Variants in PCDH15 observed in about 807,000 individuals in gnomAD.
PCDH15 encodes protocadherin related 15.
Under a neutral mutation model 178.5 loss-of-function variants are expected in PCDH15, and 129 were observed. That is an observed-to-expected ratio of 0.72 (90% CI 0.63 to 0.84). The LOEUF (loss-of-function observed/expected upper bound fraction) is 0.84. PCDH15 is among the 40% of genes least tolerant of loss of function. PCDH15 has a pLI of 0.00. For missense variants in PCDH15, 2,230 were observed against 2,099.9 expected (o/e 1.06, Z -1.21); for synonymous variants, 800 against 732.0 (o/e 1.09, Z -1.50).
At chr10:54,152,337 G>A (rs905879593) in intron 14 of PCDH15, among the ~76,000 whole-genome samples, 2 of 151,976 alleles carry the variant, frequency 1.3e-5, no homozygotes, top group African/African-American at 2.4e-5. Flanking sequence ...AGGATAAATC[G>A]AAAAGTTTAT....
intron 15 of PCDH15, among the ~76,000 whole-genome samples, chr10:54,098,454 C>G (rs2094743595): frequency 6.6e-6 from 1 of 151,894 alleles, no homozygotes; most frequent in Non-Finnish European, 1.5e-5. Flanking sequence ...CTATATGAAA[C>G]CAGGAAGGCT....
At chr10:54,519,108 C>G (rs979086109) in intron 3 of PCDH15, among the ~76,000 whole-genome samples, 4 of 152,170 alleles carry the variant, frequency 2.6e-5, no homozygotes, top group Non-Finnish European at 5.9e-5. Context: ...CAACATCATA[C>G]TGAATGGGCA....
At chr10:55,483,281 CAA>C (rs35371247) in intron 2 of PCDH15, among the ~76,000 whole-genome samples, 10 of 150,328 alleles carry the variant, frequency 6.7e-5, no homozygotes, top group Admixed American at 3.3e-4. Flanking sequence ...TAAATTTTTA[CAA>C]AAAAAAATCC....
rs7091339 is a variant in PCDH15 at position 53,849,201 on chromosome 10, C to T, written c.3806+7974G>A. 7.8e-3 allele frequency among the ~76,000 whole-genome samples: 1,182 copies of T among 152,142 alleles called. 18 individuals are homozygous for T. The highest frequency in any genetic ancestry group is 0.027 in the African/African-American group (1,110 of 41,524). On this transcript the variant is annotated intron_variant, in intron 28 of 37. Transcript: ENST00000644397. ...CACCACCTAAATGTAGCAGCCCTGCCTCATTCTTTAGTTTTTAATCTTTTT... is the reference window on the plus strand; with the variant it reads ...CACCACCTAAATGTAGCAGCCCTGCTTCATTCTTTAGTTTTTAATCTTTTT...
At chr10:53,860,069 A>G (rs931608635) in intron 27 of PCDH15, among the ~76,000 whole-genome samples, 1 of 152,138 alleles carries the variant, frequency 6.6e-6, no homozygotes, top group Non-Finnish European at 1.5e-5. Flanking sequence ...TTTTTCCATC[A>G]TCTATACTGG....
At chr10:54,367,301 G>A (rs1416357246) in intron 5 of PCDH15, among the ~76,000 whole-genome samples, 2 of 152,020 alleles carry the variant, frequency 1.3e-5, no homozygotes, top group Non-Finnish European at 2.9e-5. Context: ...TTTGACACCC[G>A]ACAATAATGA....
At chr10:54,032,660 G>A (rs887230778) in intron 18 of PCDH15, among the ~76,000 whole-genome samples, 1 of 151,932 alleles carries the variant, frequency 6.6e-6, no homozygotes, top group Non-Finnish European at 1.5e-5. Flanking sequence ...TAAAACTTAA[G>A]TGATCACATA....
intron 2 of PCDH15, among the ~76,000 whole-genome samples, chr10:55,416,062 A>G (rs1440090384): frequency 6.8e-6 from 1 of 146,646 alleles, no homozygotes; most frequent in Non-Finnish European, 1.5e-5. Context: ...CAAACAAACA[A>G]ACAAACAAAC....
chr10:55,256,965 G>GGCACCCCCC (rs1356881849), intron 1 of PCDH15, among the ~76,000 whole-genome samples: 1 of 152,200 alleles, frequency 6.6e-6, no homozygotes, highest in African/African-American at 2.4e-5. Flanking sequence ...CTAACTGGGA[G>GGCACCCCCC]GCACCCCCGA....
chr10:53,930,762 C>A (rs1173846007), intron 25 of PCDH15, among the ~76,000 whole-genome samples: 1 of 152,120 alleles, frequency 6.6e-6, no homozygotes, highest in Non-Finnish European at 1.5e-5. Context: ...TTCCCTACTA[C>A]ATAAACCCCC....
intron 13 of PCDH15, among the ~76,000 whole-genome samples, chr10:54,180,334 C>T (rs2047868470): frequency 6.6e-6 from 1 of 152,070 alleles, no homozygotes. Context: ...CTCATTTGCT[C>T]CTTGCAGACA....
At chr10:53,853,218 A>G (rs1214995360) in intron 28 of PCDH15, among the ~76,000 whole-genome samples, 1 of 143,752 alleles carries the variant, frequency 7.0e-6, no homozygotes, top group East Asian at 2.0e-4. Flanking sequence ...ATCCATATGT[A>G]AAAAAAAAAA....
chr10:55,370,094 A>G (rs1409369698), intron 2 of PCDH15, among the ~76,000 whole-genome samples: 2 of 152,114 alleles, frequency 1.3e-5, no homozygotes, highest in Non-Finnish European at 2.9e-5. Flanking sequence ...TCTGTAAGTA[A>G]CCAAAGAACC....
intron 1 of PCDH15, among the ~76,000 whole-genome samples, chr10:55,220,809 T>C (rs1055739055): frequency 7.9e-5 from 12 of 151,998 alleles, no homozygotes; most frequent in Non-Finnish European, 2.9e-5. Context: ...TTTGACACTT[T>C]GTTGTTGTTA....
intron 2 of PCDH15, among the ~76,000 whole-genome samples, chr10:55,112,370 A>G (rs1422294039): frequency 1.3e-5 from 2 of 152,148 alleles, no homozygotes; most frequent in Non-Finnish European, 2.9e-5. Flanking sequence ...CTTAGTACCC[A>G]TAAGAGGGCC....
intron 2 of PCDH15, among the ~76,000 whole-genome samples, chr10:55,327,671 A>C (rs1425319525): frequency 6.6e-6 from 1 of 152,108 alleles, no homozygotes; most frequent in Non-Finnish European, 1.5e-5. Flanking sequence ...ACTGATTTTC[A>C]TTTAATAAGT....
intron 2 of PCDH15, among the ~76,000 whole-genome samples, chr10:55,063,904 A>T (rs1841500420): frequency 6.6e-6 from 1 of 152,164 alleles, no homozygotes; most frequent in Non-Finnish European, 1.5e-5. Context: ...ATCCTGTGAT[A>T]AAGGCTGTTG....
At chr10:54,521,194 C>G (rs894158361) in intron 3 of PCDH15, among the ~76,000 whole-genome samples, 7 of 151,924 alleles carry the variant, frequency 4.6e-5, no homozygotes, top group Admixed American at 2.0e-4. Context: ...CACATGTACC[C>G]TAAAACTTAA....
intron 18 of PCDH15, among the ~76,000 whole-genome samples, chr10:54,045,591 T>C (rs566933660): frequency 6.6e-6 from 1 of 152,162 alleles, no homozygotes; most frequent in East Asian, 1.9e-4. Flanking sequence ...CAAACCCTCA[T>C]ACACATGTAT....
Sources: gnomAD v4.1 joint callset for allele counts (sites outside exome capture counted in the v4.1 genomes callset) on GRCh38, gnomAD v4.1.1 for gene constraint, MANE v1.5 for transcripts, NCBI Gene and HGNC (gene_info 2026-07-23, HGNC 2026-07-21) for gene names.